The following ADM variants were observed in gnomAD, a reference collection of about 807,000 sequenced individuals.
ADM encodes pro-adrenomedullin.
Under a neutral mutation model 9.0 loss-of-function variants are expected in ADM, and 4 were observed. That is an observed-to-expected ratio of 0.44 (90% CI 0.22 to 1.02). The LOEUF is 1.02. Ranked by LOEUF, ADM falls within the 50% of genes least tolerant of loss-of-function variation. The probability of loss-of-function intolerance (pLI) is 0.24; values close to 1 mark genes in which losing one functional copy is unlikely to be tolerated. For synonymous variants in ADM, 107 were observed against 107.2 expected, an observed-to-expected ratio of 1.00 and a Z score of 0.01; for missense variants, 253 against 254.1, an observed-to-expected ratio of 1.00 and a Z score of 0.03.
At position 10,306,115 on chromosome 11, in the gene ADM, C is replaced by G. The variant is rs1210594111; in HGVS notation, c.248+17C>G. 1.9e-6 allele frequency: 3 copies of G among 1,613,214 alleles called. No homozygotes were observed. The highest frequency in any genetic ancestry group is 1.1e-5 in the South Asian group (1 of 91,054). ...CGAAGACAGGTAACTACGCCCTGTGCTGTCCAGGGACGGGAGGGAAGGAAG... is the reference window on the plus strand; with the variant it reads ...CGAAGACAGGTAACTACGCCCTGTGGTGTCCAGGGACGGGAGGGAAGGAAG... On this transcript the variant is annotated intron_variant, in intron 3 of 3. Coordinates refer to ENST00000278175, the MANE Select transcript of ADM (RefSeq NM_001124.3).
chr11:10,306,234 C>T (rs564902396), intron 3 of ADM, 98 bp from the exon 4 acceptor site: 403 of 1,542,740 alleles, frequency 2.6e-4, no homozygotes, highest in Middle Eastern at 8.6e-4. Context: ...TTTCCAGCTC[C>T]CTCTGGCTCT....
In ADM at chr11:10,306,838, TG is replaced by T. The variant is rs1964666558; in HGVS notation, c.*198del. ...TCTGGGGGCTTCGCTTCCTTAGCCT[TG>T]CTCAGGTGCAAGTGCCCCAGGGGGC... On this transcript the variant is annotated 3_prime_UTR_variant, in exon 4 of 4. Transcript: ENST00000278175. 7.9e-6 allele frequency: 4 copies of T among 508,402 alleles called. No individual in the cohort carries two copies. The highest frequency in any genetic ancestry group is 1.3e-5 in the Non-Finnish European group (4 of 296,772). The allele number at this position is 508,402 out of a possible 1,614,324, so 31.5% of individuals were successfully genotyped here. A position where few individuals can be genotyped will look rare whatever the true frequency, so the allele number is the denominator to read the frequency against.
chr11:10,305,890 A>T, intron 2 of ADM, 59 bp from the exon 3 acceptor site: 1 of 1,612,158 alleles, frequency 6.2e-7, no homozygotes, highest in Non-Finnish European at 8.5e-7. Flanking sequence ...GAATGGGAGC[A>T]GGGACAGGCC....
chr11:10,306,311 T>TCCCCCCCCCCCCCCC, intron 3 of ADM, 21 bp from the exon 4 acceptor site: 1 of 1,543,784 alleles, frequency 6.5e-7, no homozygotes, highest in Non-Finnish European at 8.9e-7. Context: ...TTGCCTTTCT[T>TCCCCCCCCCCCCCCC]CCCCCTCCCC....
chr11:10,306,275 A>T, intron 3 of ADM, 57 bp from the exon 4 acceptor site: 2 of 1,585,924 alleles, frequency 1.3e-6, no homozygotes, highest in Non-Finnish European at 1.7e-6. Flanking sequence ...TGTTGGGGCC[A>T]AAGCTCTGCT....
In ADM at chr11:10,306,726, G is replaced by C; in HGVS notation, c.*85G>C. On this transcript the variant is annotated 3_prime_UTR_variant, in exon 4 of 4. Transcript: ENST00000278175. ...GACGAAGGACTTCCCGAGCGGTGTGGGGACCGGGCTCTGACAGCCCTGCGG... is the reference window on the plus strand; with the variant it reads ...GACGAAGGACTTCCCGAGCGGTGTGCGGACCGGGCTCTGACAGCCCTGCGG... 7.2e-7 allele frequency: 1 copy of C among 1,393,438 alleles called. No individual in the cohort carries two copies. The highest frequency in any genetic ancestry group is 1.5e-5 in the South Asian group (1 of 65,484). 86.3% of individuals were successfully genotyped at this position (1,393,438 alleles called of 1,614,324 possible).
chr11:10,306,374 G>C lies in ADM; in HGVS notation c.291G>C (p.Gln97His), dbSNP rs769338742. Residue 97 changes from glutamine to histidine, a missense_variant, in exon 4 of 4, where the codon CAG becomes CAC. By Grantham distance (24) the Gln-to-His change is conservative. Transcript: ENST00000278175. ...AARIRVKRYR[Q>H]SMNNFQGLRS... ...GCATCCGAGTCAAGCGCTACCGCCA[G>C]AGCATGAACAACTTCCAGGGCCTCC... 1 of 1,590,010 alleles carries C rather than the reference G, an allele frequency of 6.3e-7. No individual in the cohort carries two copies. Among genetic ancestry groups the C allele is most frequent in the South Asian group, 1.1e-5 (1 of 90,420 alleles).
At chr11:10,305,596 G>T in intron 1 of ADM, 84 bp from the exon 2 acceptor site, 1 of 1,233,278 alleles carries the variant, frequency 8.1e-7, no homozygotes, top group East Asian at 2.4e-5. Context: ...CGCCTCGCCG[G>T]GGCCCCTGCC....
At chr11:10,305,859 TG>T (rs2133659756) in intron 2 of ADM, 61 bp downstream of exon 2, 2 of 1,612,232 alleles carry the variant, frequency 1.2e-6, no homozygotes, top group East Asian at 4.5e-5. Context: ...AACTGACCGT[TG>T]GTCCCGAAGG....
rs752472370 is a variant in ADM at position 10,305,727 on chromosome 11, G to A, written c.27G>A (p.Met9Ile). Residue 9 changes from methionine to isoleucine, a missense_variant, in exon 2 of 4, where the codon ATG becomes ATA. Transcript: ENST00000278175. MKLVSVAL[M>I]YLGSLAFLGA... ...TGAAGCTGGTTTCCGTCGCCCTGAT[G>A]TACCTGGGTTCGCTCGCCTTCCTAG... The A allele has an allele frequency of 1.2e-6, 2 of 1,613,976 alleles. No homozygotes were observed. The highest frequency in any genetic ancestry group is 1.3e-5 in the African/African-American group (1 of 74,946).
Position 10,306,672 on chromosome 11 carries a change from C to G in ADM, c.*31C>G. On this transcript the variant is annotated 3_prime_UTR_variant, in exon 4 of 4. Transcript: ENST00000278175. ...AGGCGCCCATGGTACAAGGAATAGT[C>G]GCGCAAGCATCCCGCTGGTGCCTCC... 2.0e-6 allele frequency: 3 copies of G among 1,496,696 alleles called. No individual in the cohort carries two copies. Among genetic ancestry groups the G allele is most frequent in the Middle Eastern group, 1.9e-4 (1 of 5,398 alleles). The allele number at this position is 1,496,696 out of a possible 1,614,324, so 92.7% of individuals were successfully genotyped here.
intron 3 of ADM, 58 bp from the exon 4 acceptor site, chr11:10,306,274 C>G: frequency 6.3e-7 from 1 of 1,584,142 alleles, no homozygotes; most frequent in Non-Finnish European, 8.6e-7. Context: ...GTGTTGGGGC[C>G]AAAGCTCTGC....
Position 10,305,716 on chromosome 11 carries a change from G to A in ADM, c.16G>A (p.Val6Ile), listed in dbSNP as rs148801166. Reference protein sequence around the residue: MKLVSVALMYLGSLAF... With the variant: MKLVSIALMYLGSLAF... ...CGCAGCCGGGATGAAGCTGGTTTCC[G>A]TCGCCCTGATGTACCTGGGTTCGCT... The change falls in exon 2 of 4, where the codon GTC becomes ATC. Residue 6 changes from valine (V) to isoleucine (I), a missense_variant. Coordinates refer to ENST00000278175, the MANE Select transcript of ADM (RefSeq NM_001124.3). 42 of 1,613,998 alleles carry A rather than the reference G, an allele frequency of 2.6e-5. No individual in the cohort carries two copies. The African/African-American group carries it at 5.2e-4, about 20-fold the overall frequency.
rs756424797 is a variant in ADM at position 10,305,742 on chromosome 11, C to T, written c.42C>T (p.Leu14=). The change falls in exon 2 of 4, where the codon CTC becomes CTT. Residue 14 remains leucine, a synonymous_variant. Transcript: ENST00000278175. ...TCGCCCTGATGTACCTGGGTTCGCTCGCCTTCCTAGGCGCTGACACCGCTC... is the reference window on the plus strand; with the variant it reads ...TCGCCCTGATGTACCTGGGTTCGCTTGCCTTCCTAGGCGCTGACACCGCTC... ...VSVALMYLGS[L]AFLGADTARL... The T allele has an allele frequency of 5.0e-6, 8 of 1,614,166 alleles. No individual in the cohort carries two copies. The South Asian group carries it at 7.7e-5, about 16-fold the overall frequency.
At position 10,306,700 on chromosome 11, in the gene ADM, G is replaced by C; in HGVS notation, c.*59G>C. On this transcript the variant is annotated 3_prime_UTR_variant, in exon 4 of 4. Transcript: ENST00000278175. ...GCAAGCATCCCGCTGGTGCCTCCCG[G>C]GACGAAGGACTTCCCGAGCGGTGTG... 6.8e-7 allele frequency: 1 copy of C among 1,472,976 alleles called. No homozygotes were observed. The highest frequency in any genetic ancestry group is 9.0e-7 in the Non-Finnish European group (1 of 1,105,518). The allele number at this position is 1,472,976 out of a possible 1,614,324, so 91.2% of individuals were successfully genotyped here.
In ADM at chr11:10,307,246, C is replaced by T. The variant is rs531869867; in HGVS notation, c.*605C>T. The stretch of plus-strand genomic sequence containing the variant: ...TGTCTCAGCGAGGTGTAAAGTTGTT[C>T]GCCGCGTGGAATGTGAGTGTGTTTG... On this transcript the variant is annotated 3_prime_UTR_variant, in exon 4 of 4. Transcript: ENST00000278175. The surrounding 1 kb of genome is among the most constrained non-coding windows in gnomAD (Gnocchi z 4.5). 4 of 152,722 alleles carry T rather than the reference C, an allele frequency of 2.6e-5. No individual in the cohort carries two copies. The East Asian group carries it at 7.7e-4, about 29-fold the overall frequency. 9.5% of individuals were successfully genotyped at this position (152,722 alleles called of 1,614,324 possible).
In ADM at chr11:10,305,662, CTCTT is replaced by C. The variant is rs756703139; in HGVS notation, c.-21-13_-21-10del. ...CTGGCCCGGGTGCTCACGCTCGACT[CTCTT>C]TCTTCTTTTCCAGGGTCTGCGCTTC... On this transcript the variant is annotated splice_polypyrimidine_tract_variant and intron_variant, in intron 1 of 3. Transcript: ENST00000278175. 8 of 1,604,910 alleles carry C rather than the reference CTCTT, an allele frequency of 5.0e-6. No individual in the cohort carries two copies. Among genetic ancestry groups the C allele is most frequent in the African/African-American group, 2.7e-5 (2 of 74,840 alleles).
chr11:10,306,720 G>A lies in ADM; in HGVS notation c.*79G>A. On this transcript the variant is annotated 3_prime_UTR_variant, in exon 4 of 4. Coordinates refer to ENST00000278175, the MANE Select transcript of ADM (RefSeq NM_001124.3). ...TCCCGGGACGAAGGACTTCCCGAGCGGTGTGGGGACCGGGCTCTGACAGCC... is the reference window on the plus strand; with the variant it reads ...TCCCGGGACGAAGGACTTCCCGAGCAGTGTGGGGACCGGGCTCTGACAGCC... The A allele has an allele frequency of 7.0e-7, 1 of 1,420,884 alleles. No homozygotes were observed. Among genetic ancestry groups the A allele is most frequent in the Non-Finnish European group, 9.4e-7 (1 of 1,062,408 alleles). 88.0% of individuals were successfully genotyped at this position (1,420,884 alleles called of 1,614,324 possible).
At position 10,305,972 on chromosome 11, in the gene ADM, G is replaced by T; in HGVS notation, c.122G>T (p.Arg41Leu). 2 of 1,613,930 alleles carry T rather than the reference G, an allele frequency of 1.2e-6. No homozygotes were observed. The highest frequency in any genetic ancestry group is 1.7e-6 in the Non-Finnish European group (2 of 1,180,024). ...AGGTGGAATAAGTGGGCTCTGAGTC[G>T]TGGGAAGAGGGAACTGCGGATGTCC... Reference protein sequence around the residue: ...RKKWNKWALSRGKRELRMSSS... With the variant: ...RKKWNKWALSLGKRELRMSSS... The change falls in exon 3 of 4, where the codon CGT becomes CTT. Residue 41 changes from arginine (R) to leucine (L), a missense_variant. Physicochemically the swap from Arg to Leu is moderately radical, Grantham distance 102. Transcript: ENST00000278175.
Sources: allele counts gnomAD v4.1 joint callset, GRCh38; gene constraint gnomAD v4.1.1; non-coding constraint Gnocchi (gnomAD v3.1); transcripts MANE v1.5; gene names NCBI Gene and HGNC (gene_info 2026-07-23, HGNC 2026-07-21).